ABCA13: variants seen among roughly 807,000 people sequenced by gnomAD.
The protein encoded by ABCA13 is ATP-binding cassette sub-family A member 13.
ABCA13 carries 476 observed loss-of-function variants against 478.7 expected under a neutral mutation model. The observed-to-expected ratio is 0.99, with a 90% CI of 0.92 to 1.07. The LOEUF is 1.07. Among genes scored for constraint, ABCA13 ranks in the 50% least tolerant of loss-of-function variants. The probability of loss-of-function intolerance (pLI) is 0.00; values close to 1 mark genes in which losing one functional copy is unlikely to be tolerated. For missense variants in ABCA13, 6,060 were observed against 5,910.6 expected (o/e 1.03, Z -0.83); for synonymous variants, 2,252 against 2,158.9 (o/e 1.04, Z -1.20).
intron 31 of ABCA13, among the ~76,000 whole-genome samples, chr7:48,366,303 T>C (rs2129013925): frequency 6.6e-6 from 1 of 152,056 alleles, no homozygotes; most frequent in Admixed American, 6.6e-5. Context: ...ATTTCCTTAC[T>C]TCATCCGCTT....
At chr7:48,284,120 T>G (rs1797408643) in intron 19 of ABCA13, among the ~76,000 whole-genome samples, 1 of 152,176 alleles carries the variant, frequency 6.6e-6, no homozygotes, top group Admixed American at 6.5e-5. Context: ...AAGTAAAAAC[T>G]GGTAATTTAG....
intron 59 of ABCA13, among the ~76,000 whole-genome samples, chr7:48,635,827 A>G (rs908027392): frequency 2.0e-5 from 3 of 152,230 alleles, no homozygotes; most frequent in African/African-American, 7.2e-5. Context: ...ACTCAGTTTT[A>G]GTAGACTTTC....
intron 49 of ABCA13, among the ~76,000 whole-genome samples, chr7:48,506,935 A>C (rs1489066637): frequency 1.3e-5 from 2 of 152,186 alleles, no homozygotes; most frequent in African/African-American, 4.8e-5. Flanking sequence ...ATGGTCGACA[A>C]ACTTTTAATT....
intron 61 of ABCA13, 146 bp from the exon 62 acceptor site, chr7:48,645,271 T>C (rs1795367699): frequency 5.0e-6 from 3 of 595,084 alleles, no homozygotes; most frequent in Non-Finnish European, 8.8e-6. Context: ...TATATTTATG[T>C]GATTTGGGAG....
Position 48,240,932 on chromosome 7 carries a change from G to T in ABCA13, c.1128G>T (p.Leu376=), listed in dbSNP as rs1404462330. ...CACTCACAGGCATGGGCCATAGTCTGGAGGCTCTCAGGAATCAGTTTGAAG... is the reference window on the plus strand; with the variant it reads ...CACTCACAGGCATGGGCCATAGTCTTGAGGCTCTCAGGAATCAGTTTGAAG... ...QKTLTGMGHS[L]EALRNQFEEE... The change falls in exon 10 of 62, where the codon CTG becomes CTT. Residue 376 remains leucine, a synonymous_variant. Transcript: ENST00000435803. 2 of 1,613,388 alleles carry T rather than the reference G, an allele frequency of 1.2e-6. No individual in the cohort carries two copies. Among genetic ancestry groups the T allele is most frequent in the East Asian group, 2.2e-5 (1 of 44,866 alleles).
Position 48,511,168 on chromosome 7 carries a change from G to A in ABCA13, c.13609G>A (p.Ala4537Thr), listed in dbSNP as rs780658231. ...LTAFTFRKNL[A>T]ATALLLSLFG... ...AGCTTTTACTTTCCGCAAGAACTTG[G>A]CAGCCACGGCCCTCCTGCTGTCACT... is the stretch of plus-strand genomic sequence containing the variant. Residue 4537 changes from alanine (A) to threonine (T), a missense_variant, in exon 51 of 62, where the codon GCA becomes ACA. Ala to Thr is a moderately conservative substitution (Grantham distance 58). This residue lies in a region of ABCA13 where 1,627 missense variants were observed against 1,571.0 expected (regional missense o/e 1.04). Transcript: ENST00000435803. 1.6e-5 allele frequency: 26 copies of A among 1,613,168 alleles called. No homozygotes were observed. Among genetic ancestry groups the A allele is most frequent in the Non-Finnish European group, 1.9e-5 (23 of 1,179,542 alleles).
At chr7:48,411,032 T>TTTCTTTC (rs1455162756) in intron 40 of ABCA13, among the ~76,000 whole-genome samples, 6 of 118,784 alleles carry the variant, frequency 5.1e-5, no homozygotes, top group Admixed American at 9.1e-5. Flanking sequence ...TCTTTCTTTC[T>TTTCTTTC]TTCTTTCTTT....
intron 39 of ABCA13, among the ~76,000 whole-genome samples, chr7:48,408,482 G>A (rs1818561352): frequency 6.6e-6 from 1 of 152,174 alleles, no homozygotes; most frequent in South Asian, 2.1e-4. Context: ...TGTGGGGACA[G>A]GGACATACAT....
At chr7:48,607,498 C>T (rs1448083222) in intron 58 of ABCA13, among the ~76,000 whole-genome samples, 2 of 152,116 alleles carry the variant, frequency 1.3e-5, no homozygotes, top group African/African-American at 4.8e-5. Flanking sequence ...GGCCATCTTG[C>T]CAGCTCTCTC....
Position 48,561,084 on chromosome 7 carries a change from T to C in ABCA13, c.14355-19140T>C, listed in dbSNP as rs760044861. Reference sequence around the variant, plus strand: ...ATTCCATTGTATGTATATGTATATATATGTATGTATGTATGCATATATATT... The same window carrying C: ...ATTCCATTGTATGTATATGTATATACATGTATGTATGTATGCATATATATT... On this transcript the variant is annotated intron_variant, in intron 55 of 61. Transcript: ENST00000435803. 2.5e-4 allele frequency among the ~76,000 whole-genome samples: 38 copies of C among 152,208 alleles called. No individual in the cohort carries two copies. In the South Asian group the frequency reaches 5.0e-3, roughly 20 times the overall value.
chr7:48,548,775 A>C (rs1424716059), intron 55 of ABCA13, among the ~76,000 whole-genome samples: 1 of 151,768 alleles, frequency 6.6e-6, no homozygotes, highest in Non-Finnish European at 1.5e-5. Context: ...AGCAATGTGC[A>C]GGTTCCCTCA....
chr7:48,318,567 A>G (rs1802928090), intron 27 of ABCA13, among the ~76,000 whole-genome samples: 1 of 147,136 alleles, frequency 6.8e-6, no homozygotes, highest in South Asian at 2.2e-4. Flanking sequence ...AAAAATCTTG[A>G]AAGTGTCCTT....
chr7:48,297,888 C>T (rs1376376145), intron 22 of ABCA13, among the ~76,000 whole-genome samples: 1 of 151,506 alleles, frequency 6.6e-6, no homozygotes, highest in East Asian at 1.9e-4. Context: ...GATTCTCCTG[C>T]CTCAGCCTCC....
intron 42 of ABCA13, among the ~76,000 whole-genome samples, chr7:48,448,239 A>G (rs1454570895): frequency 6.6e-6 from 1 of 152,196 alleles, no homozygotes; most frequent in Non-Finnish European, 1.5e-5. Flanking sequence ...GACAACCGCA[A>G]AGGAAGCTCA....
intron 41 of ABCA13, among the ~76,000 whole-genome samples, chr7:48,421,679 G>A (rs1285183702): frequency 1.3e-5 from 2 of 152,142 alleles, no homozygotes; most frequent in African/African-American, 4.8e-5. Flanking sequence ...TGCTCAATAC[G>A]CTCATGGTGA....
In ABCA13 at chr7:48,193,058, T is replaced by A. The variant is rs1266509304; in HGVS notation, c.163+6T>A. ...TCCCAGATACAGAGACATTTGTAAGTTTCACTTTTTAATATACTTTTTGAA... is the reference window on the plus strand; with the variant it reads ...TCCCAGATACAGAGACATTTGTAAGATTCACTTTTTAATATACTTTTTGAA... On this transcript the variant is annotated splice_donor_region_variant and intron_variant, in intron 2 of 61. Coordinates refer to ENST00000435803, the MANE Select transcript of ABCA13 (RefSeq NM_152701.5). The A allele has an allele frequency of 2.0e-6, 3 of 1,522,242 alleles. No homozygotes were observed. Among genetic ancestry groups the A allele is most frequent in the Non-Finnish European group, 2.6e-6 (3 of 1,139,412 alleles). 94.3% of individuals were successfully genotyped at this position (1,522,242 alleles called of 1,614,324 possible).
intron 42 of ABCA13, among the ~76,000 whole-genome samples, chr7:48,429,003 G>A (rs1261098187): frequency 1.3e-5 from 2 of 152,132 alleles, no homozygotes; most frequent in Admixed American, 6.5e-5. Flanking sequence ...TCTAATAGAT[G>A]TGCCTATTTT....
chr7:48,543,480 T>C (rs550397277), intron 55 of ABCA13, among the ~76,000 whole-genome samples: 1 of 151,314 alleles, frequency 6.6e-6, no homozygotes, highest in South Asian at 2.1e-4. Flanking sequence ...AAAAATTGGC[T>C]GAGCATGGTG....
chr7:48,480,372 G>A (rs145385437), intron 45 of ABCA13, among the ~76,000 whole-genome samples: 21 of 152,342 alleles, frequency 1.4e-4, no homozygotes, highest in African/African-American at 4.8e-4. Context: ...CTGGCATTTT[G>A]ATAACAAAAG....
Sources: allele counts gnomAD v4.1 joint callset (sites outside exome capture counted in the v4.1 genomes callset), GRCh38; gene constraint gnomAD v4.1.1; regional missense constraint gnomAD v4.1.1; transcripts MANE v1.5; gene names NCBI Gene and HGNC (gene_info 2026-07-23, HGNC 2026-07-21).